CNTN5: variants seen among roughly 807,000 people sequenced by gnomAD.
CNTN5 encodes contactin-5.
CNTN5 carries 77 observed loss-of-function variants against 129.1 expected under a neutral mutation model. The ratio of observed to expected loss-of-function variants is 0.60; its 90% confidence interval spans 0.50 to 0.72. CNTN5 has a LOEUF of 0.72. CNTN5 is among the 30% of genes least tolerant of loss of function. The pLI is 0.00. For synonymous variants in CNTN5, 509 were observed against 465.6 expected (o/e 1.09, Z -1.20); for missense variants, 1,478 against 1,328.8 (o/e 1.11, Z -1.75).
At chr11:100,075,458 A>T (rs1944091023) in intron 13 of CNTN5, among the ~76,000 whole-genome samples, 1 of 152,150 alleles carries the variant, frequency 6.6e-6, no homozygotes, top group Admixed American at 6.6e-5. Context: ...ATTTAATCAA[A>T]GTTTTGTGTG....
chr11:99,480,708 A>T (rs550375052), intron 2 of CNTN5, among the ~76,000 whole-genome samples: 45 of 151,816 alleles, frequency 3.0e-4, no homozygotes, highest in African/African-American at 1.1e-3. Context: ...ATGTATAGTC[A>T]TTTTTTTTGT....
rs146893554 is a variant in CNTN5 at position 99,684,654 on chromosome 11, C to T, written c.55+128385C>T. On this transcript the variant is annotated intron_variant, in intron 3 of 24. Coordinates refer to ENST00000524871, the MANE Select transcript of CNTN5 (RefSeq NM_014361.4). ...ATTCCCAGATTCCTAAGTTTTGCAT[C>T]ATGGATAGGTGCTAAATATCTATTG... 2.5e-3 allele frequency among the ~76,000 whole-genome samples: 378 copies of T among 151,966 alleles called. 8 individuals carry two copies. The highest frequency in any genetic ancestry group is 8.6e-3 in the African/African-American group (358 of 41,514).
intron 18 of CNTN5, among the ~76,000 whole-genome samples, chr11:100,286,121 G>C (rs554877784): frequency 9.6e-4 from 146 of 152,170 alleles, no homozygotes; most frequent in Middle Eastern, 6.8e-3. Context: ...ACGGAGTCTC[G>C]CTGATTGCTA....
At chr11:99,627,714 A>G (rs916920967) in intron 3 of CNTN5, among the ~76,000 whole-genome samples, 2 of 151,944 alleles carry the variant, frequency 1.3e-5, no homozygotes, top group Non-Finnish European at 2.9e-5. Context: ...GGAGGCCAGA[A>G]AAAGCTCTTA....
intron 20 of CNTN5, among the ~76,000 whole-genome samples, chr11:100,307,929 G>A (rs184238530): frequency 7.7e-4 from 116 of 151,632 alleles, no homozygotes; most frequent in Middle Eastern, 3.4e-3. Flanking sequence ...GAGGGAACTA[G>A]GGCTTAGAAA....
At chr11:99,996,048 G>A (rs187085206) in intron 8 of CNTN5, among the ~76,000 whole-genome samples, 1 of 152,204 alleles carries the variant, frequency 6.6e-6, no homozygotes, top group Admixed American at 6.5e-5. Context: ...AAGCTCATCA[G>A]CATTTCTACT....
chr11:99,444,294 T>C (rs556387729), intron 2 of CNTN5, among the ~76,000 whole-genome samples: 1 of 152,224 alleles, frequency 6.6e-6, no homozygotes, highest in South Asian at 2.1e-4. Flanking sequence ...TCATATTAAG[T>C]CAGAGGTTAT....
At chr11:99,313,110 G>GTTTTT (rs11335927) in intron 1 of CNTN5, among the ~76,000 whole-genome samples, 78 of 142,936 alleles carry the variant, frequency 5.5e-4, no homozygotes, top group African/African-American at 2.0e-3. Context: ...AAGATTTGAA[G>GTTTTT]TTTTTTTTTT....
intron 1 of CNTN5, among the ~76,000 whole-genome samples, chr11:99,138,976 C>G (rs1024430862): frequency 6.6e-6 from 1 of 152,124 alleles, no homozygotes; most frequent in South Asian, 2.1e-4. Context: ...TGCAGTAGCT[C>G]ACTCCTGTAA....
chr11:99,769,130 G>A (rs1565509102), intron 3 of CNTN5, among the ~76,000 whole-genome samples: 1 of 151,558 alleles, frequency 6.6e-6, no homozygotes, highest in Non-Finnish European at 1.5e-5. Context: ...TATTCTTTTT[G>A]ATACTTAAAT....
At chr11:99,198,388 C>A (rs1859010767) in intron 1 of CNTN5, among the ~76,000 whole-genome samples, 1 of 151,826 alleles carries the variant, frequency 6.6e-6, no homozygotes, top group African/African-American at 2.4e-5. Flanking sequence ...GTACTGTGAC[C>A]CTAAGAGTAC....
intron 1 of CNTN5, among the ~76,000 whole-genome samples, chr11:99,265,086 T>C (rs1862825391): frequency 6.6e-6 from 1 of 151,914 alleles, no homozygotes; most frequent in Non-Finnish European, 1.5e-5. Context: ...GTGTGCTCCA[T>C]GTATTATTAG....
chr11:99,924,629 G>A (rs1240250566), intron 7 of CNTN5, among the ~76,000 whole-genome samples: 1 of 151,976 alleles, frequency 6.6e-6, no homozygotes, highest in Non-Finnish European at 1.5e-5. Flanking sequence ...TTTGGTTACT[G>A]TAGCCTTGTA....
At chr11:99,137,081 T>C (rs115111228) in intron 1 of CNTN5, among the ~76,000 whole-genome samples, 81 of 152,310 alleles carry the variant, frequency 5.3e-4, no homozygotes, top group African/African-American at 1.9e-3. Flanking sequence ...TTATGCTATA[T>C]AACCATTGTA....
chr11:99,534,524 T>A (rs1947831891), intron 2 of CNTN5, among the ~76,000 whole-genome samples: 1 of 152,196 alleles, frequency 6.6e-6, no homozygotes, highest in South Asian at 2.1e-4. Context: ...TAGAATAATT[T>A]GATGGACAAT....
chr11:99,338,045 T>C (rs1866312877), intron 2 of CNTN5, among the ~76,000 whole-genome samples: 2 of 152,182 alleles, frequency 1.3e-5, no homozygotes, highest in African/African-American at 4.8e-5. Context: ...ATTAAATTGC[T>C]GTAAAATAGA....
chr11:99,919,536 CTGTG>C (rs1949882161), intron 7 of CNTN5, among the ~76,000 whole-genome samples: 1 of 152,160 alleles, frequency 6.6e-6, no homozygotes, highest in South Asian at 2.1e-4. Context: ...CTCAGTCAGT[CTGTG>C]TGTTTCTCTC....
At chr11:99,879,504 G>A (rs757984923) in intron 6 of CNTN5, among the ~76,000 whole-genome samples, 3 of 152,132 alleles carry the variant, frequency 2.0e-5, no homozygotes, top group Non-Finnish European at 2.9e-5. Context: ...CCAAAACTAT[G>A]CAGAGAATGA....
chr11:100,220,280 TA>T lies in CNTN5; in HGVS notation c.1885-4398del, dbSNP rs879363710. Among the ~76,000 whole-genome samples the T allele has an allele frequency of 5.2e-3, 737 of 141,382 alleles. 2 individuals carry two copies. Among genetic ancestry groups the T allele is most frequent in the African/African-American group, 0.011 (421 of 38,812 alleles). 92.8% of individuals were successfully genotyped at this position (141,382 alleles called of 152,430 possible). On this transcript the variant is annotated intron_variant, in intron 15 of 24. Transcript: ENST00000524871. ...TGACAGAGCGAGACTCTGTCTCAAT[TA>T]AAAAAAAAAAAAATTATCCTCTTGG... is the stretch of plus-strand genomic sequence containing the variant.
Sources: allele counts gnomAD v4.1 joint callset (sites outside exome capture counted in the v4.1 genomes callset), GRCh38; gene constraint gnomAD v4.1.1; transcripts MANE v1.5; gene names NCBI Gene and HGNC (gene_info 2026-07-23, HGNC 2026-07-21).